The following ITK variants were observed in gnomAD, a reference collection of about 807,000 sequenced individuals.
ITK encodes the protein IL2 inducible T cell kinase, also known as tyrosine-protein kinase ITK/TSK.
Under a neutral mutation model 87.6 loss-of-function variants are expected in ITK, and 45 were observed. That is an observed-to-expected ratio of 0.51 (90% CI 0.40 to 0.66). The LOEUF (loss-of-function observed/expected upper bound fraction) is 0.66. Among genes scored for constraint, ITK ranks in the 30% least tolerant of loss-of-function variants. The probability of loss-of-function intolerance (pLI) is 0.00; values close to 1 mark genes in which losing one functional copy is unlikely to be tolerated. For synonymous variants in ITK, 303 were observed against 273.6 expected, an observed-to-expected ratio of 1.11 and a Z score of -1.06; for missense variants, 605 against 766.3, an observed-to-expected ratio of 0.79 and a Z score of 2.48.
intron 4 of ITK, 64 bp downstream of exon 4, chr5:157,214,383 C>G (rs1754255140): frequency 7.2e-7 from 1 of 1,383,516 alleles, no homozygotes; most frequent in Admixed American, 1.7e-5. Context: ...AAGCTTTTGG[C>G]CTTTAATCAT....
At chr5:157,252,578 A>G in intron 16 of ITK, 29 bp from the exon 17 acceptor site, 1 of 1,569,308 alleles carries the variant, frequency 6.4e-7, no homozygotes, top group Non-Finnish European at 8.8e-7. Context: ...AGTACAAGGA[A>G]CTTACAGAGT....
chr5:157,242,061 T>A (rs1207585517), intron 11 of ITK, among the ~76,000 whole-genome samples: 2 of 152,232 alleles, frequency 1.3e-5, no homozygotes, highest in Non-Finnish European at 2.9e-5. Context: ...TCCACCTATC[T>A]TCTAGAACTT....
At chr5:157,213,214 T>C (rs1394147323) in intron 3 of ITK, among the ~76,000 whole-genome samples, 1 of 152,162 alleles carries the variant, frequency 6.6e-6, no homozygotes, top group African/African-American at 2.4e-5. Context: ...AAGGAGGAAC[T>C]TGCCAAATAC....
At chr5:157,231,250 A>ATCAT (rs1754646178) in intron 7 of ITK, among the ~76,000 whole-genome samples, 1 of 152,194 alleles carries the variant, frequency 6.6e-6, no homozygotes, top group East Asian at 1.9e-4. Context: ...AGGAAGGCAA[A>ATCAT]TCATGACTCT....
chr5:157,230,050 A>G (rs967139496), intron 7 of ITK, among the ~76,000 whole-genome samples: 4 of 152,254 alleles, frequency 2.6e-5, no homozygotes, highest in African/African-American at 9.6e-5. Context: ...CAATTTGAAT[A>G]AGATCTGCAG....
intron 1 of ITK, among the ~76,000 whole-genome samples, chr5:157,191,119 T>TTTTA (rs71847640): frequency 9.2e-5 from 14 of 151,784 alleles, no homozygotes; most frequent in South Asian, 6.2e-4. Context: ...TCTTATGTTT[T>TTTTA]TTTATTTATT....
chr5:157,230,639 ATCTT>A (rs1427840166), intron 7 of ITK, among the ~76,000 whole-genome samples: 1 of 152,218 alleles, frequency 6.6e-6, no homozygotes, highest in East Asian at 1.9e-4. Flanking sequence ...AAAATAAAAA[ATCTT>A]TATAGGCAAT....
chr5:157,236,109 C>T (rs12521028), intron 8 of ITK, among the ~76,000 whole-genome samples: 31,913 of 152,076 alleles, frequency 0.21, 4,212 homozygotes, highest in East Asian at 0.54. Flanking sequence ...CACGGTGGCT[C>T]ATGCTTGTAA....
At chr5:157,194,115 A>G (rs1211144908) in intron 1 of ITK, among the ~76,000 whole-genome samples, 2 of 152,176 alleles carry the variant, frequency 1.3e-5, no homozygotes, top group Non-Finnish European at 2.9e-5. Context: ...TTGCTCCTAC[A>G]TACATTAGTG....
At chr5:157,251,660 C>A (rs1755140207) in intron 16 of ITK, among the ~76,000 whole-genome samples, 2 of 152,136 alleles carry the variant, frequency 1.3e-5, no homozygotes, top group Admixed American at 6.5e-5. Context: ...GGTCTATGAT[C>A]CACTTTGAGT....
intron 8 of ITK, among the ~76,000 whole-genome samples, chr5:157,237,114 T>G (rs1460117666): frequency 1.3e-5 from 2 of 152,220 alleles, no homozygotes; most frequent in African/African-American, 4.8e-5. Flanking sequence ...ACCTGCACTA[T>G]TCATAATAGC....
chr5:157,232,184 G>A (rs1358611804), intron 7 of ITK, among the ~76,000 whole-genome samples, 156 bp from the exon 8 acceptor site: 9 of 152,166 alleles, frequency 5.9e-5, no homozygotes, highest in Non-Finnish European at 4.4e-5. Context: ...AAACATACGT[G>A]TGCAGACTTG....
intron 11 of ITK, among the ~76,000 whole-genome samples, chr5:157,242,786 G>C (rs1181897243): frequency 6.6e-6 from 1 of 152,164 alleles, no homozygotes; most frequent in Admixed American, 6.5e-5. Flanking sequence ...AAGCATGCTA[G>C]GTGATTTTGA....
chr5:157,181,130 T>C lies in ITK; in HGVS notation c.138+15T>C. 1 of 1,613,938 alleles carries C rather than the reference T, an allele frequency of 6.2e-7. No homozygotes were observed. The highest frequency in any genetic ancestry group is 8.5e-7 in the Non-Finnish European group (1 of 1,179,800). Reference sequence around the variant, plus strand: ...ATCGTCATGGGGTATGTGAGCAGTTTCATTTGTCTTTTTTCGCATAGCATT... The same window carrying C: ...ATCGTCATGGGGTATGTGAGCAGTTCCATTTGTCTTTTTTCGCATAGCATT... On this transcript the variant is annotated intron_variant, in intron 1 of 16. Transcript: ENST00000422843.
chr5:157,201,979 T>A (rs1436538892), intron 1 of ITK, among the ~76,000 whole-genome samples: 1 of 152,196 alleles, frequency 6.6e-6, no homozygotes, highest in Non-Finnish European at 1.5e-5. Context: ...GATTTTCAAT[T>A]CCCACCCTCC....
At chr5:157,210,779 G>A (rs1025695543) in intron 2 of ITK, among the ~76,000 whole-genome samples, 1 of 142,728 alleles carries the variant, frequency 7.0e-6, no homozygotes, top group Admixed American at 7.5e-5. Flanking sequence ...CCACCTATGA[G>A]TGAGTTTTGA....
At chr5:157,232,074 G>A (rs35178394) in intron 7 of ITK, among the ~76,000 whole-genome samples, 2,489 of 152,274 alleles carry the variant, frequency 0.016, 27 homozygotes, top group Non-Finnish European at 0.027. Context: ...ACAATGATCA[G>A]TATTTTGCCA....
intron 16 of ITK, among the ~76,000 whole-genome samples, chr5:157,249,449 G>C (rs1755097156): frequency 6.6e-6 from 1 of 152,228 alleles, no homozygotes; most frequent in Non-Finnish European, 1.5e-5. Flanking sequence ...AAAATGGGGA[G>C]CCAATTCCTC....
intron 2 of ITK, among the ~76,000 whole-genome samples, chr5:157,210,800 G>A (rs961083726): frequency 2.0e-5 from 3 of 147,818 alleles, no homozygotes; most frequent in South Asian, 4.3e-4. Context: ...AAGATGTGTT[G>A]TGGTTACGTA....
Sources: allele counts gnomAD v4.1 joint callset (sites outside exome capture counted in the v4.1 genomes callset), GRCh38; gene constraint gnomAD v4.1.1; transcripts MANE v1.5; gene names NCBI Gene and HGNC (gene_info 2026-07-23, HGNC 2026-07-21).